TMEM132C: variants seen among roughly 807,000 people sequenced by gnomAD.
TMEM132C encodes the protein protein phosphatase 1, regulatory subunit 152.
A neutral mutation model predicts 61.4 loss-of-function variants in TMEM132C; 29 were observed. The ratio of observed to expected loss-of-function variants is 0.47; its 90% CI spans 0.35 to 0.64. TMEM132C has a LOEUF of 0.64. Among genes scored for constraint, TMEM132C ranks in the 30% least tolerant of loss-of-function variants. The probability of loss-of-function intolerance (pLI) is 0.00; values close to 1 mark genes in which losing one functional copy is unlikely to be tolerated. For synonymous variants in TMEM132C, 656 were observed against 633.1 expected (o/e 1.04, Z -0.54); for missense variants, 1,408 against 1,476.9 (o/e 0.95, Z 0.76).
intron 2 of TMEM132C, among the ~76,000 whole-genome samples, chr12:128,467,921 G>A (rs761568327): frequency 1.3e-5 from 2 of 152,210 alleles, no homozygotes; most frequent in African/African-American, 4.8e-5. Context: ...TTATAGTCCG[G>A]TGGAGGAGAG....
intron 2 of TMEM132C, among the ~76,000 whole-genome samples, chr12:128,460,549 A>G (rs1870498113): frequency 6.6e-6 from 1 of 152,168 alleles, no homozygotes; most frequent in African/African-American, 2.4e-5. Context: ...AGTATGGGTC[A>G]GTCCCAGTGC....
At chr12:128,537,112 G>C (rs1873559407) in intron 2 of TMEM132C, among the ~76,000 whole-genome samples, 1 of 152,224 alleles carries the variant, frequency 6.6e-6, no homozygotes, top group Non-Finnish European at 1.5e-5. Context: ...ATGTGCAAAA[G>C]ATGACAGGGA....
intron 4 of TMEM132C, among the ~76,000 whole-genome samples, chr12:128,636,340 C>A (rs1291777750): frequency 1.3e-5 from 2 of 152,176 alleles, no homozygotes; most frequent in Admixed American, 1.3e-4. Context: ...GCGTGAACTG[C>A]CACACCCGGT....
chr12:128,685,928 T>A (rs978067408), intron 5 of TMEM132C, among the ~76,000 whole-genome samples: 5 of 152,246 alleles, frequency 3.3e-5, no homozygotes, highest in African/African-American at 1.2e-4. Context: ...CCTCTTAGAA[T>A]GGTGCCTGGA....
intron 5 of TMEM132C, among the ~76,000 whole-genome samples, chr12:128,683,271 C>T (rs1954649960): frequency 1.3e-5 from 2 of 152,328 alleles, no homozygotes; most frequent in Middle Eastern, 3.4e-3. Flanking sequence ...CAGGCTTTCA[C>T]TGTGTCCCTA....
At chr12:128,325,228 A>C (rs1246891902) in intron 1 of TMEM132C, among the ~76,000 whole-genome samples, 1 of 152,224 alleles carries the variant, frequency 6.6e-6, no homozygotes, top group Non-Finnish European at 1.5e-5. Flanking sequence ...GAAAACAGAA[A>C]GAAAGAAACT....
chr12:128,471,377 A>G (rs1870946691), intron 2 of TMEM132C, among the ~76,000 whole-genome samples: 1 of 151,962 alleles, frequency 6.6e-6, no homozygotes, highest in Non-Finnish European at 1.5e-5. Context: ...GGAAGCACAG[A>G]TGGCCCCTAG....
chr12:128,551,007 G>A (rs1051150818), intron 3 of TMEM132C, among the ~76,000 whole-genome samples: 2 of 152,188 alleles, frequency 1.3e-5, no homozygotes, highest in Non-Finnish European at 2.9e-5. Context: ...GGGTCAGGCT[G>A]CAGGCTGGGT....
chr12:128,525,343 TTTC>T lies in TMEM132C; in HGVS notation c.975-18612_975-18610del, dbSNP rs1565962428. On this transcript the variant is annotated intron_variant, in intron 2 of 8. Coordinates refer to ENST00000435159, the MANE Select transcript of TMEM132C (RefSeq NM_001136103.3). Reference sequence around the variant, plus strand: ...TTCTCTCTCTCTCTCTCTCTCTCTCTTTCTCTCTCTCTCTCTCTCCCTCCTTTG... The same window carrying T: ...TTCTCTCTCTCTCTCTCTCTCTCTCTTCTCTCTCTCTCTCTCCCTCCTTTG... Among the ~76,000 whole-genome samples the T allele has an allele frequency of 9.7e-3, 1,369 of 141,368 alleles. 4 individuals carry two copies. Among genetic ancestry groups the T allele is most frequent in the Middle Eastern group, 0.032 (9 of 280 alleles). 92.7% of individuals were successfully genotyped at this position (141,368 alleles called of 152,430 possible).
At chr12:128,485,968 G>A (rs1871480929) in intron 2 of TMEM132C, among the ~76,000 whole-genome samples, 1 of 152,184 alleles carries the variant, frequency 6.6e-6, no homozygotes, top group South Asian at 2.1e-4. Flanking sequence ...ACTTTGAGGT[G>A]TAGAGTCCAT....
At chr12:128,384,886 C>T (rs1169630879) in intron 1 of TMEM132C, among the ~76,000 whole-genome samples, 1 of 152,190 alleles carries the variant, frequency 6.6e-6, no homozygotes, top group Admixed American at 6.5e-5. Flanking sequence ...TAAATAGAGT[C>T]CCTGCAAAGG....
chr12:128,544,127 C>G (rs530988767), intron 3 of TMEM132C, 24 bp downstream of exon 3: 1 of 1,490,120 alleles, frequency 6.7e-7, no homozygotes, highest in African/African-American at 1.4e-5. Flanking sequence ...TCCCTGCAAG[C>G]GTGTGTGGTT....
chr12:128,595,783 A>G (rs1875921000), intron 3 of TMEM132C, among the ~76,000 whole-genome samples: 1 of 152,212 alleles, frequency 6.6e-6, no homozygotes, highest in Admixed American at 6.5e-5. Context: ...CCTAGAAGGG[A>G]AATCCACCTG....
At position 128,549,953 on chromosome 12, in the gene TMEM132C, G is replaced by A. The variant is rs186026454; in HGVS notation, c.1121+5850G>A. Among the ~76,000 whole-genome samples the A allele has an allele frequency of 5.3e-5, 8 of 152,236 alleles. No individual in the cohort carries two copies. The East Asian group carries it at 1.2e-3, about 22-fold the overall frequency. ...GGTCTGCCTCGGAGGACAAGCTGTC[G>A]CTTGTGCTTATTCTTGTCCTGAAAG... On this transcript the variant is annotated intron_variant, in intron 3 of 8. Coordinates refer to ENST00000435159, the MANE Select transcript of TMEM132C (RefSeq NM_001136103.3).
rs1349440326 is a variant in TMEM132C, at chr12:128,601,110, AC to A, written c.1122-15040del. On this transcript the variant is annotated intron_variant, in intron 3 of 8. Transcript: ENST00000435159. Reference sequence around the variant, plus strand: ...TGAAAATGCAAAGTTTTAGGAGTGGACCTTGGAGCGTGTCTTTCCTGGAAGG... The same window carrying A: ...TGAAAATGCAAAGTTTTAGGAGTGGACTTGGAGCGTGTCTTTCCTGGAAGG... 2.6e-4 allele frequency among the ~76,000 whole-genome samples: 39 copies of A among 152,236 alleles called. No homozygotes were observed. The South Asian group carries it at 3.3e-3, about 13-fold the overall frequency.
At chr12:128,573,444 G>A (rs924756747) in intron 3 of TMEM132C, among the ~76,000 whole-genome samples, 1 of 151,844 alleles carries the variant, frequency 6.6e-6, no homozygotes, top group African/African-American at 2.4e-5. Flanking sequence ...ACACACCGGG[G>A]CCTGTCGTGG....
intron 1 of TMEM132C, among the ~76,000 whole-genome samples, chr12:128,321,138 AAATAAT>A (rs58166037): frequency 0.14 from 20,104 of 143,548 alleles, 1,519 homozygotes; most frequent in Middle Eastern, 0.18. Flanking sequence ...CATTTTTGAA[AAATAAT>A]AATAATAATA....
intron 2 of TMEM132C, among the ~76,000 whole-genome samples, chr12:128,455,761 C>T (rs1047983838): frequency 2.0e-5 from 3 of 152,088 alleles, no homozygotes; most frequent in Non-Finnish European, 4.4e-5. Flanking sequence ...GCCAAGGAAA[C>T]GAAGACAAAA....
In TMEM132C at chr12:128,599,744, C is replaced by G. The variant is rs142212149; in HGVS notation, c.1122-16408C>G. On this transcript the variant is annotated intron_variant, in intron 3 of 8. Coordinates refer to ENST00000435159, the MANE Select transcript of TMEM132C (RefSeq NM_001136103.3). ...TGCAGCCAAGGTTGAGGACCTTGAA[C>G]AAGAGGACAGAGATTGTTAGTGTAA... Among the ~76,000 whole-genome samples, 11 of 152,290 alleles carry G rather than the reference C, an allele frequency of 7.2e-5. No homozygotes were observed. The East Asian group carries it at 1.9e-3, about 27-fold the overall frequency.
Sources: gnomAD v4.1 joint callset for allele counts (sites outside exome capture counted in the v4.1 genomes callset) on GRCh38, gnomAD v4.1.1 for gene constraint, MANE v1.5 for transcripts, NCBI Gene and HGNC (gene_info 2026-07-23, HGNC 2026-07-21) for gene names.